CHN1: variants seen among roughly 807,000 people sequenced by gnomAD.
CHN1 encodes the protein N-chimaerin.
CHN1 carries 37 observed loss-of-function variants against 59.5 expected under a neutral mutation model. The observed-to-expected ratio is 0.62, with a 90% confidence interval of 0.48 to 0.82. CHN1 has a LOEUF of 0.82. Among genes scored for constraint, CHN1 ranks in the 40% least tolerant of loss-of-function variants. The pLI, the probability that CHN1 is intolerant of heterozygous loss-of-function variation, is 0.00. For synonymous variants in CHN1, 206 were observed against 200.4 expected, an observed-to-expected ratio of 1.03 and a Z score of -0.24; for missense variants, 469 against 571.0, an observed-to-expected ratio of 0.82 and a Z score of 1.82.
At chr2:174,889,612 T>G (rs1255460709) in intron 5 of CHN1, among the ~76,000 whole-genome samples, 4 of 152,128 alleles carry the variant, frequency 2.6e-5, no homozygotes, top group Non-Finnish European at 5.9e-5. Flanking sequence ...CAGCAGACTT[T>G]ATAAAGCAGA....
At chr2:174,811,666 G>T in intron 9 of CHN1, 78 bp from the exon 10 acceptor site, 1 of 804,510 alleles carries the variant, frequency 1.2e-6, no homozygotes, top group Non-Finnish European at 2.0e-6. Context: ...TAAGCTGGGA[G>T]GTAATGTGTC....
intron 9 of CHN1, 29 bp downstream of exon 9, chr2:174,812,280 C>A: frequency 6.3e-7 from 1 of 1,580,784 alleles, no homozygotes; most frequent in Non-Finnish European, 8.6e-7. Flanking sequence ...GAACGGAGAC[C>A]ACTGCAACCC....
At chr2:174,950,848 T>C (rs1243915480) in intron 2 of CHN1, among the ~76,000 whole-genome samples, 1 of 150,846 alleles carries the variant, frequency 6.6e-6, no homozygotes, top group Non-Finnish European at 1.5e-5. Context: ...GGTGCGATCT[T>C]GGCTCACTGC....
At chr2:174,976,170 C>A (rs1370631310) in intron 1 of CHN1, among the ~76,000 whole-genome samples, 2 of 138,596 alleles carry the variant, frequency 1.4e-5, no homozygotes, top group Non-Finnish European at 3.1e-5. Context: ...AAGATTTTGG[C>A]TTTCCTGTTT....
intron 10 of CHN1, among the ~76,000 whole-genome samples, chr2:174,810,255 C>G (rs1243587822): frequency 1.3e-5 from 2 of 152,152 alleles, no homozygotes; most frequent in South Asian, 2.1e-4. Context: ...ATGTTAAAAT[C>G]CTTTGCATCA....
At chr2:174,911,054 C>T (rs759207637) in intron 5 of CHN1, among the ~76,000 whole-genome samples, 2 of 151,862 alleles carry the variant, frequency 1.3e-5, no homozygotes, top group Non-Finnish European at 2.9e-5. Flanking sequence ...AACTAAATAA[C>T]ATAGTATTTG....
intron 1 of CHN1, among the ~76,000 whole-genome samples, chr2:174,988,600 C>T (rs1235316794): frequency 6.6e-6 from 1 of 152,052 alleles, no homozygotes; most frequent in African/African-American, 2.4e-5. Flanking sequence ...AGATAATATT[C>T]TATGGCAGCT....
intron 7 of CHN1, among the ~76,000 whole-genome samples, chr2:174,836,333 T>C (rs1686076755): frequency 6.6e-6 from 1 of 152,264 alleles, no homozygotes; most frequent in Non-Finnish European, 1.5e-5. Context: ...AAGGTAAATG[T>C]AGTTCTTCCA....
intron 6 of CHN1, among the ~76,000 whole-genome samples, chr2:174,872,703 T>G (rs968623601): frequency 1.3e-5 from 2 of 152,152 alleles, no homozygotes; most frequent in East Asian, 3.9e-4. Context: ...GATAACAATC[T>G]TGTGAACTTA....
chr2:174,978,991 A>G (rs899477265), intron 1 of CHN1, among the ~76,000 whole-genome samples: 7 of 152,232 alleles, frequency 4.6e-5, no homozygotes, highest in African/African-American at 1.7e-4. Flanking sequence ...ACTAGGGCTA[A>G]ATTGCACAGA....
chr2:174,980,040 T>C (rs1331279677), intron 1 of CHN1, among the ~76,000 whole-genome samples: 2 of 152,200 alleles, frequency 1.3e-5, no homozygotes, highest in African/African-American at 4.8e-5. Context: ...GTTAAAGTCC[T>C]AAGAGTAGAA....
Position 174,915,125 on chromosome 2 carries a change from C to T in CHN1, c.193G>A (p.Val65Met), listed in dbSNP as rs370140469. The T allele has an allele frequency of 1.2e-6, 2 of 1,612,262 alleles. No individual in the cohort carries two copies. The highest frequency in any genetic ancestry group is 2.7e-5 in the African/African-American group (2 of 74,908). The change falls in exon 5 of 13, where the codon GTG becomes ATG. Residue 65 changes from valine to methionine, a missense_variant. Physicochemically the swap from Val to Met is conservative, Grantham distance 21. Coordinates refer to ENST00000409900, the MANE Select transcript of CHN1 (RefSeq NM_001822.7). ...CGGATGAGGTAGCTCCCCTCAGCCA[C>T]AATCAAGAGCTGGTCGGCTGCTTCT... Reference protein sequence around the residue: ...SREAADQLLIVAEGSYLIRES... With the variant: ...SREAADQLLIMAEGSYLIRES...
chr2:174,834,786 AG>A (rs761134896), intron 7 of CHN1, among the ~76,000 whole-genome samples: 1 of 152,262 alleles, frequency 6.6e-6, no homozygotes, highest in Non-Finnish European at 1.5e-5. Flanking sequence ...CAGAGAAGAT[AG>A]TAGTATAAAA....
intron 1 of CHN1, among the ~76,000 whole-genome samples, chr2:174,991,740 G>A (rs1286544577): frequency 6.6e-6 from 1 of 152,118 alleles, no homozygotes; most frequent in Non-Finnish European, 1.5e-5. Flanking sequence ...GTATTATAAA[G>A]CAATAGAATA....
At chr2:174,982,765 C>G (rs1007786826) in intron 1 of CHN1, among the ~76,000 whole-genome samples, 1 of 152,016 alleles carries the variant, frequency 6.6e-6, no homozygotes, top group African/African-American at 2.4e-5. Context: ...CCTTTAGCTG[C>G]TATTGATATA....
chr2:174,853,541 T>C (rs1440760875), intron 6 of CHN1, among the ~76,000 whole-genome samples: 2 of 152,036 alleles, frequency 1.3e-5, no homozygotes, highest in African/African-American at 4.8e-5. Flanking sequence ...AGTTTGGGGA[T>C]TTCCCAAATA....
chr2:174,884,440 T>A lies in CHN1; in HGVS notation c.261-6312A>T, dbSNP rs543136808. On this transcript the variant is annotated intron_variant, in intron 5 of 12. Transcript: ENST00000409900. ...CACAAAATAGTCCAGTAATTGCAAA[T>A]AAATCCTCAGACTGGCAAAATTTAA... is the stretch of plus-strand genomic sequence containing the variant. Among the ~76,000 whole-genome samples, 18 of 152,158 alleles carry A rather than the reference T, an allele frequency of 1.2e-4. No homozygotes were observed. The South Asian group carries it at 1.7e-3, about 14-fold the overall frequency.
chr2:174,847,303 G>A (rs1039413129), intron 6 of CHN1: 4 of 1,334,326 alleles, frequency 3.0e-6, no homozygotes, highest in East Asian at 2.7e-5. Flanking sequence ...TTAAACAGAG[G>A]TCGACTAACC....
chr2:175,004,893 C>T lies in CHN1; in HGVS notation c.19+1G>A, dbSNP rs1369824088. 1 of 1,513,494 alleles carries T rather than the reference C, an allele frequency of 6.6e-7. No homozygotes were observed. The highest frequency in any genetic ancestry group is 8.8e-7 in the Non-Finnish European group (1 of 1,133,266). 93.8% of individuals were successfully genotyped at this position (1,513,494 alleles called of 1,614,324 possible). On this transcript the variant is annotated splice_donor_variant, in intron 1 of 12. Coordinates refer to ENST00000409900, the MANE Select transcript of CHN1 (RefSeq NM_001822.7). LOFTEE classifies it high-confidence loss of function. Reference sequence around the variant, plus strand: ...CGGCGCGGGGAGACGGCTGCACTTACCAAACAGGGTCAGGGCCATTGTAAA... The same window carrying T: ...CGGCGCGGGGAGACGGCTGCACTTATCAAACAGGGTCAGGGCCATTGTAAA...
Sources: allele counts gnomAD v4.1 joint callset (sites outside exome capture counted in the v4.1 genomes callset), GRCh38; gene constraint gnomAD v4.1.1; transcripts MANE v1.5; gene names NCBI Gene and HGNC (gene_info 2026-07-23, HGNC 2026-07-21).